FUT8: variants seen among roughly 807,000 people sequenced by gnomAD.
FUT8 encodes fucosyltransferase 8.
Under a neutral mutation model 71.3 loss-of-function variants are expected in FUT8, and 29 were observed. The observed-to-expected ratio is 0.41, with a 90% CI of 0.30 to 0.55. The LOEUF (loss-of-function observed/expected upper bound fraction) is 0.55, where lower values mean the gene tolerates loss of function less well. Ranked by LOEUF, FUT8 falls within the 20% of genes least tolerant of loss-of-function variation. FUT8 has a pLI of 0.34. For missense variants in FUT8, 544 were observed against 702.1 expected, an observed-to-expected ratio of 0.77 and a Z score of 2.55; for synonymous variants, 254 against 239.3, an observed-to-expected ratio of 1.06 and a Z score of -0.57.
At chr14:65,644,082 C>A (rs1890998666) in intron 6 of FUT8, among the ~76,000 whole-genome samples, 1 of 151,990 alleles carries the variant, frequency 6.6e-6, no homozygotes. Context: ...GATGGAATTT[C>A]TTCTTCCATA....
rs373833836 is a variant in FUT8 at position 65,502,416 on chromosome 14, G to C, written c.-228+46698G>C. Among the ~76,000 whole-genome samples the C allele has an allele frequency of 1.5e-4, 23 of 151,768 alleles. 3 individuals are homozygous for C. Among genetic ancestry groups the C allele is most frequent in the African/African-American group, 5.3e-4 (22 of 41,382 alleles). On this transcript the variant is annotated intron_variant, in intron 2 of 10. Coordinates refer to ENST00000673929, the MANE Select transcript of FUT8 (RefSeq NM_001371533.1). Reference sequence around the variant, plus strand: ...ATTTTTGTCTTTTTAGTAGAGACAGGGTTTCACCATGTTGCCCAGGCTGGT... The same window carrying C: ...ATTTTTGTCTTTTTAGTAGAGACAGCGTTTCACCATGTTGCCCAGGCTGGT...
intron 6 of FUT8, among the ~76,000 whole-genome samples, chr14:65,631,809 ATACACTG>A (rs1454786529): frequency 6.6e-6 from 1 of 152,090 alleles, no homozygotes; most frequent in Non-Finnish European, 1.5e-5. Context: ...CCTGAGCAGT[ATACACTG>A]CACCCTATTT....
At chr14:65,482,355 CTCAG>C (rs1459247295) in intron 2 of FUT8, among the ~76,000 whole-genome samples, 1 of 151,680 alleles carries the variant, frequency 6.6e-6, no homozygotes, top group Non-Finnish European at 1.5e-5. Flanking sequence ...CTCATACCAG[CTCAG>C]TTTTAATTTT....
intron 10 of FUT8, among the ~76,000 whole-genome samples, 171 bp downstream of exon 10, chr14:65,733,552 C>T (rs1896076653): frequency 1.3e-5 from 2 of 152,202 alleles, no homozygotes; most frequent in African/African-American, 4.8e-5. Context: ...GATCCCATAA[C>T]ATAGCCATTC....
chr14:65,511,256 G>T (rs1391476973), intron 2 of FUT8, among the ~76,000 whole-genome samples: 2 of 151,816 alleles, frequency 1.3e-5, no homozygotes, highest in East Asian at 3.9e-4. Flanking sequence ...TTATTTTATT[G>T]TGGTCGGAGA....
At chr14:65,604,642 A>G (rs146973886) in intron 3 of FUT8, among the ~76,000 whole-genome samples, 1 of 152,036 alleles carries the variant, frequency 6.6e-6, no homozygotes, top group East Asian at 1.9e-4. Flanking sequence ...GCCTACATCA[A>G]AAAGTCTGAA....
intron 6 of FUT8, among the ~76,000 whole-genome samples, chr14:65,663,762 C>T (rs1566882609): frequency 6.6e-6 from 1 of 152,040 alleles, no homozygotes; most frequent in Non-Finnish European, 1.5e-5. Flanking sequence ...TACTAAGCAT[C>T]ATTCATTAAG....
intron 2 of FUT8, among the ~76,000 whole-genome samples, chr14:65,518,266 A>G (rs757173381): frequency 1.6e-4 from 24 of 152,204 alleles, no homozygotes; most frequent in Non-Finnish European, 2.2e-4. Context: ...TTGGAGCTCA[A>G]GATGAACTTT....
At chr14:65,644,303 T>A (rs903724689) in intron 6 of FUT8, among the ~76,000 whole-genome samples, 10 of 152,110 alleles carry the variant, frequency 6.6e-5, no homozygotes, top group East Asian at 3.9e-4. Flanking sequence ...ATATATTTTT[T>A]TTTTTGAGAC....
chr14:65,721,671 T>C (rs1176480413), intron 7 of FUT8, 104 bp from the exon 8 acceptor site: 1 of 1,119,860 alleles, frequency 8.9e-7, no homozygotes, highest in Non-Finnish European at 1.3e-6. Context: ...TTATACTTCT[T>C]TAGAGTTGCT....
intron 6 of FUT8, among the ~76,000 whole-genome samples, chr14:65,661,055 ACCTGG>A (rs1242838579): frequency 1.3e-5 from 2 of 152,090 alleles, no homozygotes; most frequent in East Asian, 3.9e-4. Context: ...AATTTAACTC[ACCTGG>A]CCTGATCCCT....
chr14:65,657,314 C>T (rs1891730381), intron 6 of FUT8, among the ~76,000 whole-genome samples: 1 of 152,146 alleles, frequency 6.6e-6, no homozygotes, highest in Non-Finnish European at 1.5e-5. Context: ...TCCAGCAACC[C>T]AGCTGCTGGG....
At chr14:65,656,363 A>G (rs768010256) in intron 6 of FUT8, among the ~76,000 whole-genome samples, 10 of 152,188 alleles carry the variant, frequency 6.6e-5, no homozygotes, top group Non-Finnish European at 2.9e-5. Context: ...TGAAAAAGAA[A>G]TTTAAAAAAG....
At chr14:65,686,935 G>A (rs941061018) in intron 7 of FUT8, among the ~76,000 whole-genome samples, 2 of 152,180 alleles carry the variant, frequency 1.3e-5, no homozygotes, top group African/African-American at 2.4e-5. Context: ...GGTAACCTGT[G>A]ACTCATGCTT....
At chr14:65,415,037 G>T (rs2065198682) in intron 1 of FUT8, among the ~76,000 whole-genome samples, 1 of 152,140 alleles carries the variant, frequency 6.6e-6, no homozygotes, top group Non-Finnish European at 1.5e-5. Context: ...ATCCTGCATT[G>T]TTTTGTTGCA....
At chr14:65,708,841 G>C (rs1288513896) in intron 7 of FUT8, among the ~76,000 whole-genome samples, 1 of 152,132 alleles carries the variant, frequency 6.6e-6, no homozygotes, top group Non-Finnish European at 1.5e-5. Context: ...GCTGCGGTCG[G>C]GGGATGGTGT....
intron 2 of FUT8, among the ~76,000 whole-genome samples, chr14:65,493,832 A>G (rs567396104): frequency 2.0e-5 from 3 of 152,180 alleles, no homozygotes; most frequent in Non-Finnish European, 4.4e-5. Flanking sequence ...GTGTTTGGAA[A>G]TAAAAGATTA....
intron 6 of FUT8, among the ~76,000 whole-genome samples, chr14:65,656,792 T>G (rs977824145): frequency 6.6e-6 from 1 of 152,158 alleles, no homozygotes; most frequent in African/African-American, 2.4e-5. Context: ...CAAAACAGCA[T>G]GGTACCGGCA....
chr14:65,640,760 G>T (rs1215447885), intron 6 of FUT8, among the ~76,000 whole-genome samples: 74 of 150,656 alleles, frequency 4.9e-4, no homozygotes, highest in Non-Finnish European at 1.5e-5. Flanking sequence ...GATATATTAT[G>T]GTACCTTTGA....
Sources: gnomAD v4.1 joint callset for allele counts (sites outside exome capture counted in the v4.1 genomes callset) on GRCh38, gnomAD v4.1.1 for gene constraint, MANE v1.5 for transcripts, NCBI Gene and HGNC (gene_info 2026-07-23, HGNC 2026-07-21) for gene names.